Variants in EGFLAM observed in about 807,000 individuals in gnomAD.
The protein encoded by EGFLAM is pikachurin.
EGFLAM carries 79 observed loss-of-function variants against 113.1 expected under a neutral mutation model. That is an observed-to-expected ratio of 0.70 (90% confidence interval 0.58 to 0.84). The LOEUF (loss-of-function observed/expected upper bound fraction) is 0.84, where lower values mean the gene tolerates loss of function less well. Among genes scored for constraint, EGFLAM ranks in the 40% least tolerant of loss-of-function variants. The pLI is 0.00. For missense variants in EGFLAM, 1,265 were observed against 1,291.6 expected, an observed-to-expected ratio of 0.98 and a Z score of 0.32; for synonymous variants, 504 against 487.6, an observed-to-expected ratio of 1.03 and a Z score of -0.44.
At chr5:38,411,387 CA>C (rs1741471833) in intron 10 of EGFLAM, among the ~76,000 whole-genome samples, 1 of 151,862 alleles carries the variant, frequency 6.6e-6, no homozygotes, top group African/African-American at 2.4e-5. Context: ...GAGATCACAC[CA>C]CTGGACTCCA....
intron 9 of EGFLAM, among the ~76,000 whole-genome samples, chr5:38,408,274 A>G (rs923433224): frequency 2.6e-5 from 4 of 152,230 alleles, no homozygotes; most frequent in African/African-American, 9.6e-5. Flanking sequence ...AGAGAGCCCA[A>G]TTCTCTGTCT....
intron 6 of EGFLAM, among the ~76,000 whole-genome samples, chr5:38,382,549 A>G (rs1209058089): frequency 1.3e-5 from 2 of 152,228 alleles, no homozygotes; most frequent in Admixed American, 6.5e-5. Flanking sequence ...CTAGTTGGAT[A>G]GACTGACATG....
chr5:38,301,171 T>C (rs13359137), intron 1 of EGFLAM, among the ~76,000 whole-genome samples: 6,130 of 152,106 alleles, frequency 0.04, 430 homozygotes, highest in African/African-American at 0.14. Flanking sequence ...GGTCACCAGG[T>C]GCTAAAAATG....
At chr5:38,378,624 C>A (rs976919544) in intron 6 of EGFLAM, among the ~76,000 whole-genome samples, 27 of 152,226 alleles carry the variant, frequency 1.8e-4, no homozygotes, top group African/African-American at 6.0e-4. Flanking sequence ...CTCTTTCAAT[C>A]CATGCCTATG....
intron 14 of EGFLAM, among the ~76,000 whole-genome samples, chr5:38,430,899 A>T (rs1742166567): frequency 6.6e-6 from 1 of 152,170 alleles, no homozygotes; most frequent in Non-Finnish European, 1.5e-5. Context: ...AGGAGCACTG[A>T]TGTTCAAGGC....
chr5:38,315,004 A>G (rs535006216), intron 1 of EGFLAM, among the ~76,000 whole-genome samples: 1 of 152,324 alleles, frequency 6.6e-6, no homozygotes, highest in African/African-American at 2.4e-5. Flanking sequence ...CATTTGCTAT[A>G]ATAGCCAACC....
At chr5:38,409,435 G>T (rs1042666022) in intron 10 of EGFLAM, among the ~76,000 whole-genome samples, 8 of 151,878 alleles carry the variant, frequency 5.3e-5, no homozygotes, top group African/African-American at 1.7e-4. Flanking sequence ...GGCACTGCAG[G>T]TGCTGTTGAA....
chr5:38,295,863 A>C (rs1182524889), intron 1 of EGFLAM, among the ~76,000 whole-genome samples: 1 of 152,238 alleles, frequency 6.6e-6, no homozygotes, highest in Non-Finnish European at 1.5e-5. Flanking sequence ...CAAATATCAC[A>C]GTGTAAGTAG....
At chr5:38,336,146 C>A (rs930556437) in intron 1 of EGFLAM, among the ~76,000 whole-genome samples, 1 of 151,602 alleles carries the variant, frequency 6.6e-6, no homozygotes, top group African/African-American at 2.4e-5. Flanking sequence ...AATTTACAGC[C>A]GTTAAAAATA....
rs554581030 is a variant in EGFLAM, at chr5:38,393,750, G to T, written c.713-12376G>T. ...TCTGGCGGAGCAGGCTCTGTGAGGG[G>T]CCCCGCAGCAGCGTCCAAGCATGTT... On this transcript the variant is annotated intron_variant, in intron 6 of 21. Transcript: ENST00000322350. 4.0e-4 allele frequency among the ~76,000 whole-genome samples: 61 copies of T among 152,330 alleles called. 2 individuals are homozygous for T. In the South Asian group the frequency reaches 7.0e-3, roughly 18 times the overall value.
At chr5:38,267,332 C>T (rs1192348635) in intron 1 of EGFLAM, among the ~76,000 whole-genome samples, 8 of 152,154 alleles carry the variant, frequency 5.3e-5, no homozygotes, top group Admixed American at 3.9e-4. Context: ...TTGTGCAAAA[C>T]GAGTTGTATC....
intron 14 of EGFLAM, among the ~76,000 whole-genome samples, chr5:38,428,054 G>T (rs2112195882): frequency 6.6e-6 from 1 of 152,202 alleles, no homozygotes; most frequent in Non-Finnish European, 1.5e-5. Flanking sequence ...AAGCCAGAGG[G>T]GCCACTAATC....
At chr5:38,370,222 T>C in intron 5 of EGFLAM, 74 bp from the exon 6 acceptor site, 1 of 1,489,008 alleles carries the variant, frequency 6.7e-7, no homozygotes, top group South Asian at 1.2e-5. Flanking sequence ...GCTATTAGTT[T>C]ACATAGCCAG....
chr5:38,327,062 T>C (rs1261369804), intron 1 of EGFLAM, among the ~76,000 whole-genome samples: 2 of 152,064 alleles, frequency 1.3e-5, no homozygotes, highest in African/African-American at 2.4e-5. Flanking sequence ...CCTCCCAAAC[T>C]GTTGGGATTA....
chr5:38,380,437 T>C (rs1740478984), intron 6 of EGFLAM, among the ~76,000 whole-genome samples: 1 of 152,166 alleles, frequency 6.6e-6, no homozygotes, highest in Non-Finnish European at 1.5e-5. Flanking sequence ...GCTGGTGACA[T>C]TGGAGAAAGA....
At chr5:38,333,143 A>T (rs928712460) in intron 1 of EGFLAM, among the ~76,000 whole-genome samples, 1 of 152,166 alleles carries the variant, frequency 6.6e-6, no homozygotes, top group African/African-American at 2.4e-5. Flanking sequence ...CTTTCTTTCT[A>T]TGGCTGCATA....
At chr5:38,405,561 A>G (rs773406997) in intron 6 of EGFLAM, among the ~76,000 whole-genome samples, 2 of 152,206 alleles carry the variant, frequency 1.3e-5, no homozygotes, top group Non-Finnish European at 2.9e-5. Flanking sequence ...TAGATATACT[A>G]TAAATAATTT....
intron 6 of EGFLAM, among the ~76,000 whole-genome samples, chr5:38,395,362 G>C (rs998071468): frequency 1.8e-4 from 27 of 151,058 alleles, no homozygotes; most frequent in Admixed American, 8.0e-4. Flanking sequence ...TCCTGCCTCA[G>C]CTCCCCCACC....
At chr5:38,318,661 T>C (rs1392506617) in intron 1 of EGFLAM, among the ~76,000 whole-genome samples, 1 of 151,788 alleles carries the variant, frequency 6.6e-6, no homozygotes, top group Non-Finnish European at 1.5e-5. Context: ...GCACCCACCA[T>C]GCCTGGCTAA....
Sources: allele counts gnomAD v4.1 joint callset (sites outside exome capture counted in the v4.1 genomes callset), GRCh38; gene constraint gnomAD v4.1.1; transcripts MANE v1.5; gene names NCBI Gene and HGNC (gene_info 2026-07-23, HGNC 2026-07-21).